The following MTMR10 variants were observed in gnomAD, a reference collection of about 807,000 sequenced individuals.
MTMR10 encodes the protein myotubularin related protein 10, also known as myotubularin-related protein 10.
A neutral mutation model predicts 88.1 loss-of-function variants in MTMR10; 56 were observed. That is an observed-to-expected ratio of 0.64 (90% CI 0.51 to 0.79). The LOEUF is 0.79. Ranked by LOEUF, MTMR10 falls within the 30% of genes least tolerant of loss-of-function variation. The pLI, the probability that MTMR10 is intolerant of heterozygous loss-of-function variation, is 0.00. For synonymous variants in MTMR10, 380 were observed against 340.9 expected, an observed-to-expected ratio of 1.11 and a Z score of -1.26; for missense variants, 883 against 924.7, an observed-to-expected ratio of 0.95 and a Z score of 0.58.
In MTMR10 at chr15:30,991,524, G is replaced by C. The variant is rs373713415; in HGVS notation, c.-18C>G. On this transcript the variant is annotated 5_prime_UTR_variant, in exon 1 of 16. Transcript: ENST00000435680. ...GAGAACATGGTGCCGCCGCCTTTTCGCCCCGTTCCCGTCGCGGGCCAGTGG... is the reference window on the plus strand; with the variant it reads ...GAGAACATGGTGCCGCCGCCTTTTCCCCCCGTTCCCGTCGCGGGCCAGTGG... 6.5e-7 allele frequency: 1 copy of C among 1,535,954 alleles called. No homozygotes were observed. The highest frequency in any genetic ancestry group is 1.2e-5 in the South Asian group (1 of 80,566).
the MTMR10 span, among the ~76,000 whole-genome samples, chr15:30,932,666 G>GTCC: frequency 2.7e-5 from 4 of 150,192 alleles, no homozygotes; most frequent in East Asian, 7.8e-4. Context: ...CAAGGAATTT[G>GTCC]TCCATTTCAT....
chr15:30,941,761 C>CT lies in MTMR10; in HGVS notation c.2042dup (p.Leu682AlafsTer6), dbSNP rs1566942807. On this transcript the variant is annotated frameshift_variant, in exon 16 of 16. Transcript: ENST00000435680. LOFTEE classifies it high-confidence loss of function. ...CGACTTCATCAGCCAGGAGGGAGAG[C>CT]TTGTGAAAGGCTGTGATGGAGCCAC... The CT allele has an allele frequency of 6.2e-7, 1 of 1,613,998 alleles. No homozygotes were observed. Among genetic ancestry groups the CT allele is most frequent in the East Asian group, 2.2e-5 (1 of 44,884 alleles).
chr15:30,930,608 T>A, the MTMR10 span: 1 of 1,612,972 alleles, frequency 6.2e-7, no homozygotes, highest in Non-Finnish European at 8.5e-7. Context: ...CTGCTGACTT[T>A]CGACACTGTC....
chr15:30,925,313 G>A, the MTMR10 span: 11 of 1,607,284 alleles, frequency 6.8e-6, no homozygotes, highest in African/African-American at 1.1e-4. Flanking sequence ...GCCTGTGGGT[G>A]CTTTGGACTT....
At chr15:30,979,307 C>G (rs970925671) in intron 2 of MTMR10, among the ~76,000 whole-genome samples, 1 of 152,044 alleles carries the variant, frequency 6.6e-6, no homozygotes, top group African/African-American at 2.4e-5. Context: ...TGGCTCACAT[C>G]TATAATCCCA....
the MTMR10 span, among the ~76,000 whole-genome samples, chr15:30,929,833 ATAT>A: frequency 7.1e-3 from 467 of 65,844 alleles, 61 homozygotes; most frequent in African/African-American, 0.011. Context: ...ATCATATATA[ATAT>A]AATATATAAA....
At position 30,991,518 on chromosome 15, in the gene MTMR10, C is replaced by G; in HGVS notation, c.-12G>C. On this transcript the variant is annotated 5_prime_UTR_variant, in exon 1 of 16. Coordinates refer to ENST00000435680, the MANE Select transcript of MTMR10 (RefSeq NM_017762.3). ...TTGAGGGAGAACATGGTGCCGCCGC[C>G]TTTTCGCCCCGTTCCCGTCGCGGGC... is the stretch of plus-strand genomic sequence containing the variant. 1 of 1,532,678 alleles carries G rather than the reference C, an allele frequency of 6.5e-7. No homozygotes were observed. 94.9% of individuals were successfully genotyped at this position (1,532,678 alleles called of 1,614,324 possible). A position where few individuals can be genotyped will look rare whatever the true frequency, so the allele number is the denominator to read the frequency against.
At chr15:30,984,697 G>T (rs1345065362) in intron 2 of MTMR10, among the ~76,000 whole-genome samples, 1 of 152,126 alleles carries the variant, frequency 6.6e-6, no homozygotes, top group Non-Finnish European at 1.5e-5. Flanking sequence ...GATTACAAAA[G>T]ACTCTGACAA....
intron 2 of MTMR10, among the ~76,000 whole-genome samples, chr15:30,988,882 T>C (rs943269252): frequency 2.0e-5 from 3 of 147,890 alleles, no homozygotes; most frequent in African/African-American, 5.1e-5. Flanking sequence ...CCCAGCTACT[T>C]GGGAGACAGA....
At chr15:30,982,339 T>C (rs1301840926) in intron 2 of MTMR10, among the ~76,000 whole-genome samples, 1 of 152,136 alleles carries the variant, frequency 6.6e-6, no homozygotes, top group East Asian at 1.9e-4. Flanking sequence ...TTCACCAAGG[T>C]TACATAAGCT....
the MTMR10 span, chr15:30,920,677 C>A: frequency 7.4e-7 from 1 of 1,355,794 alleles, no homozygotes; most frequent in Non-Finnish European, 1.0e-6. Flanking sequence ...TCCCTGCCCC[C>A]CACCATTACT....
intron 2 of MTMR10, among the ~76,000 whole-genome samples, chr15:30,989,514 G>A (rs917074366): frequency 4.6e-5 from 7 of 151,216 alleles, no homozygotes; most frequent in African/African-American, 1.7e-4. Context: ...TTATTTTACC[G>A]ATTTGGCTTT....
chr15:30,928,568 G>T, the MTMR10 span: 1 of 1,609,080 alleles, frequency 6.2e-7, no homozygotes, highest in Non-Finnish European at 8.5e-7. Context: ...CATGGCGAAG[G>T]GTCCACCTTC....
At position 30,941,806 on chromosome 15, in the gene MTMR10, G is replaced by T. The variant is rs371260170; in HGVS notation, c.1998C>A (p.Pro666=). The change falls in exon 16 of 16, where the codon CCC becomes CCA. Residue 666 remains proline, a synonymous_variant. Coordinates refer to ENST00000435680, the MANE Select transcript of MTMR10 (RefSeq NM_017762.3). ...LWKLCYFRWV[P]EAQISLGGSI... is the part of the protein sequence containing the mutation. ...AGCCACCCAGGCTGATCTGGGCCTCGGGAACCCAGCGGAAGTAGCACAGTT... is the reference window on the plus strand; with the variant it reads ...AGCCACCCAGGCTGATCTGGGCCTCTGGAACCCAGCGGAAGTAGCACAGTT... 6.8e-6 allele frequency: 11 copies of T among 1,614,016 alleles called. No homozygotes were observed. The highest frequency in any genetic ancestry group is 1.3e-5 in the African/African-American group (1 of 75,048).
rs369368315 is a variant in MTMR10 at position 30,941,263 on chromosome 15, CAGAA to C, written c.*203_*206del. ...GTTACAAGAGCCAGACCTGTAATGA[CAGAA>C]AGAGGACAGGAACAAAATTTACATC... On this transcript the variant is annotated 3_prime_UTR_variant, in exon 16 of 16. Coordinates refer to ENST00000435680, the MANE Select transcript of MTMR10 (RefSeq NM_017762.3). The C allele has an allele frequency of 8.8e-4, 1,291 of 1,471,938 alleles. 12 individuals are homozygous for C. In the African/African-American group the frequency reaches 0.016, roughly 19 times the overall value. 91.2% of individuals were successfully genotyped at this position (1,471,938 alleles called of 1,614,324 possible).
downstream of MTMR10, among the ~76,000 whole-genome samples, chr15:30,935,990 GA>G (rs1451455513): frequency 2.0e-5 from 3 of 152,098 alleles, no homozygotes; most frequent in Admixed American, 1.3e-4. Flanking sequence ...ATCAAATTTG[GA>G]AAATTTTTGG....
Position 30,977,562 on chromosome 15 carries a change from G to C in MTMR10, c.122-607C>G, listed in dbSNP as rs372239827. On this transcript the variant is annotated intron_variant, in intron 2 of 15. Transcript: ENST00000435680. ...AATATAAAAGTTATAATGTACTTTT[G>C]AAAGAATACTTTTCTACAATTTATT... Among the ~76,000 whole-genome samples the C allele has an allele frequency of 5.9e-5, 9 of 152,138 alleles. No homozygotes were observed. The East Asian group carries it at 7.7e-4, about 13-fold the overall frequency.
chr15:30,965,236 AC>A (rs1326012525), intron 6 of MTMR10, among the ~76,000 whole-genome samples: 1 of 152,232 alleles, frequency 6.6e-6, no homozygotes, highest in Non-Finnish European at 1.5e-5. Context: ...TGGATTGTGT[AC>A]CTTGTGTTTT....
intron 6 of MTMR10, among the ~76,000 whole-genome samples, chr15:30,963,899 T>A (rs1165493991): frequency 6.6e-6 from 1 of 152,122 alleles, no homozygotes; most frequent in Non-Finnish European, 1.5e-5. Flanking sequence ...CTATTCAATA[T>A]TAGAAAATCT....
Sources: allele counts gnomAD v4.1 joint callset (sites outside exome capture counted in the v4.1 genomes callset), GRCh38; gene constraint gnomAD v4.1.1; transcripts MANE v1.5; gene names NCBI Gene and HGNC (gene_info 2026-07-23, HGNC 2026-07-21).